Variants in WDR59 observed in about 807,000 individuals in gnomAD.
WDR59 encodes WD repeat domain 59.
A neutral mutation model predicts 131.2 loss-of-function variants in WDR59; 100 were observed. That is an observed-to-expected ratio of 0.76 (90% CI 0.65 to 0.90). WDR59 has a LOEUF of 0.90. Among genes scored for constraint, WDR59 ranks in the 40% least tolerant of loss-of-function variants. The pLI is 0.00. For missense variants in WDR59, 1,203 were observed against 1,262.2 expected, an observed-to-expected ratio of 0.95 and a Z score of 0.71; for synonymous variants, 601 against 466.2, an observed-to-expected ratio of 1.29 and a Z score of -3.72.
At chr16:74,946,305 G>A (rs2032632301) in intron 6 of WDR59, among the ~76,000 whole-genome samples, 2 of 152,170 alleles carry the variant, frequency 1.3e-5, no homozygotes, top group South Asian at 2.1e-4. Flanking sequence ...TGGGGGTCTT[G>A]GACTGTGTCC....
At chr16:74,903,726 G>C (rs961627242) in intron 18 of WDR59, among the ~76,000 whole-genome samples, 2 of 152,120 alleles carry the variant, frequency 1.3e-5, no homozygotes, top group African/African-American at 4.8e-5. Context: ...GGGGAGTAAA[G>C]ATTACGGACC....
intron 18 of WDR59, among the ~76,000 whole-genome samples, chr16:74,903,622 G>C (rs976801905): frequency 1.3e-5 from 2 of 152,092 alleles, no homozygotes; most frequent in South Asian, 4.2e-4. Context: ...GAATACCATG[G>C]AAGACTTGAA....
intron 6 of WDR59, among the ~76,000 whole-genome samples, chr16:74,945,864 G>T (rs1469592334): frequency 6.7e-6 from 1 of 149,252 alleles, no homozygotes; most frequent in Non-Finnish European, 1.5e-5. Flanking sequence ...TGTTGCCCAG[G>T]CTAGAGTGCA....
Position 74,969,244 on chromosome 16 carries a change from G to A in WDR59, c.55-3422C>T, listed in dbSNP as rs547494668. ...CCACTTACAGACTAAAATTTAAACTGGCTACTTATAAATATATATATATTA... is the reference window on the plus strand; with the variant it reads ...CCACTTACAGACTAAAATTTAAACTAGCTACTTATAAATATATATATATTA... On this transcript the variant is annotated intron_variant, in intron 1 of 25. Transcript: ENST00000262144. Among the ~76,000 whole-genome samples, 15 of 152,182 alleles carry A rather than the reference G, an allele frequency of 9.9e-5. 1 individual carries two copies. The highest frequency in any genetic ancestry group is 9.2e-4 in the Admixed American group (14 of 15,264).
intron 18 of WDR59, among the ~76,000 whole-genome samples, chr16:74,900,547 T>G (rs1430215870): frequency 6.6e-6 from 1 of 152,166 alleles, no homozygotes; most frequent in Non-Finnish European, 1.5e-5. Context: ...AAGCTTATCC[T>G]AAGTTCTGGG....
chr16:74,924,486 T>A (rs555984602), intron 8 of WDR59, among the ~76,000 whole-genome samples: 1 of 152,318 alleles, frequency 6.6e-6, no homozygotes, highest in East Asian at 1.9e-4. Flanking sequence ...AACGACATAA[T>A]GTGCAAGGTC....
intron 8 of WDR59, among the ~76,000 whole-genome samples, chr16:74,935,340 A>T (rs1254099057): frequency 6.6e-6 from 1 of 152,204 alleles, no homozygotes; most frequent in Non-Finnish European, 1.5e-5. Context: ...TCAGGGAAAA[A>T]AAAAGATTAT....
chr16:74,918,031 C>T (rs372475770), intron 10 of WDR59, 23 bp from the exon 11 acceptor site: 6 of 1,609,008 alleles, frequency 3.7e-6, no homozygotes, highest in South Asian at 3.3e-5. Context: ...AAATAAGAAT[C>T]CTGGAAATTC....
At chr16:74,976,911 G>A (rs1270959609) in intron 1 of WDR59, among the ~76,000 whole-genome samples, 1 of 152,096 alleles carries the variant, frequency 6.6e-6, no homozygotes, top group African/African-American at 2.4e-5. Flanking sequence ...AGAGGCCAAG[G>A]CAGGAGGATC....
intron 8 of WDR59, among the ~76,000 whole-genome samples, chr16:74,934,000 A>G (rs1445098093): frequency 6.6e-6 from 1 of 152,238 alleles, no homozygotes; most frequent in East Asian, 1.9e-4. Context: ...TGGGTTTCCC[A>G]CATGGCCACA....
chr16:74,879,263 T>C (rs1179423607), intron 25 of WDR59, among the ~76,000 whole-genome samples: 1 of 151,980 alleles, frequency 6.6e-6, no homozygotes, highest in Non-Finnish European at 1.5e-5. Context: ...GAGACTGTGG[T>C]GGGAGGATTG....
In WDR59 at chr16:74,871,506, T is replaced by G. The variant is rs1964011922; in HGVS notation, c.*2703A>C. ...CTTGGAAATTCAAAAGGAATTTCCGTATTGAAGGATGACATTATGTAATAT... is the reference window on the plus strand; with the variant it reads ...CTTGGAAATTCAAAAGGAATTTCCGGATTGAAGGATGACATTATGTAATAT... On this transcript the variant is annotated 3_prime_UTR_variant, in exon 26 of 26. Coordinates refer to ENST00000262144, the MANE Select transcript of WDR59 (RefSeq NM_030581.4). 6.6e-6 allele frequency: 1 copy of G among 152,242 alleles called. No individual in the cohort carries two copies. The highest frequency in any genetic ancestry group is 2.4e-5 in the African/African-American group (1 of 41,476). The allele number at this position is 152,242 out of a possible 1,614,324, so 9.4% of individuals were successfully genotyped here.
At position 74,888,173 on chromosome 16, in the gene WDR59, C is replaced by A; in HGVS notation, c.2342G>T (p.Arg781Leu). 2 of 1,578,930 alleles carry A rather than the reference C, an allele frequency of 1.3e-6. No homozygotes were observed. Among genetic ancestry groups the A allele is most frequent in the South Asian group, 1.2e-5 (1 of 85,176 alleles). Residue 781 changes from arginine (R) to leucine (L), a missense_variant, in exon 22 of 26, where the codon CGA (arginine) becomes CTA (leucine). Arg to Leu is a moderately radical substitution (Grantham distance 102). Transcript: ENST00000262144. Reference protein sequence around the residue: ...RSSNLVVSHSRYPSFTSSGSC... With the variant: ...RSSNLVVSHSLYPSFTSSGSC... ...ACCAGAAAAGGACAAACTTACATAT[C>A]GACTATGGGACACCACAAGATTAGA...
chr16:74,950,988 TCCA>T (rs2032960356), intron 4 of WDR59, among the ~76,000 whole-genome samples: 1 of 118,842 alleles, frequency 8.4e-6, no homozygotes, highest in African/African-American at 3.3e-5. Context: ...AAACCCTGTC[TCCA>T]CAAAAAAAAA....
chr16:74,906,279 A>T (rs541522378), intron 17 of WDR59, among the ~76,000 whole-genome samples: 1 of 132,090 alleles, frequency 7.6e-6, no homozygotes, highest in Admixed American at 8.6e-5. Context: ...CAGTCAATAC[A>T]CTCCAGCCTG....
intron 2 of WDR59, chr16:74,959,403 C>T (rs1013869383): frequency 1.1e-4 from 39 of 350,570 alleles, no homozygotes; most frequent in Non-Finnish European, 5.1e-5. Flanking sequence ...CGCTCTTTAG[C>T]ATTAGCAGCC....
chr16:74,893,912 T>C (rs1226400125), intron 18 of WDR59, 100 bp from the exon 19 acceptor site: 1 of 1,346,684 alleles, frequency 7.4e-7, no homozygotes, highest in Non-Finnish European at 1.0e-6. Flanking sequence ...ATTTGCACTT[T>C]TTAAAAATTA....
chr16:74,918,055 G>T (rs370098304), intron 10 of WDR59, 47 bp from the exon 11 acceptor site: 7 of 1,563,978 alleles, frequency 4.5e-6, no homozygotes, highest in Non-Finnish European at 5.3e-6. Flanking sequence ...TGGATTCAAC[G>T]TCTATTTGCT....
chr16:74,909,864 C>T lies in WDR59; in HGVS notation c.1443G>A (p.Glu481=), dbSNP rs761094435. The T allele has an allele frequency of 9.3e-6, 15 of 1,612,860 alleles. No individual in the cohort carries two copies. The highest frequency in any genetic ancestry group is 1.3e-5 in the Non-Finnish European group (15 of 1,180,004). ...AGGAGACGAGCTGGCGCAGGCAGGG[C>T]TCCAGGCAGCTCTGGCCACGCTTCA... ...QKVKRGQSCL[E]PCLRQLVSCL... Residue 481 remains glutamate (E), a synonymous_variant, in exon 15 of 26, where the codon GAG becomes GAA. Transcript: ENST00000262144.
Sources: allele counts gnomAD v4.1 joint callset (sites outside exome capture counted in the v4.1 genomes callset), GRCh38; gene constraint gnomAD v4.1.1; transcripts MANE v1.5; gene names NCBI Gene and HGNC (gene_info 2026-07-23, HGNC 2026-07-21).